Variants in RAB38 observed in about 807,000 individuals in gnomAD.
RAB38 encodes the protein ras-related protein Rab-38.
Under a neutral mutation model 18.4 loss-of-function variants are expected in RAB38, and 15 were observed. That is an observed-to-expected ratio of 0.82 (90% CI 0.55 to 1.26). RAB38 has a LOEUF of 1.26. RAB38 is among the 50% of genes most tolerant of loss of function. RAB38 has a pLI of 0.00. For synonymous variants in RAB38, 101 were observed against 104.4 expected (o/e 0.97, Z 0.20); for missense variants, 294 against 267.4 (o/e 1.10, Z -0.69).
At chr11:88,035,172 A>G in the RAB38 span, among the ~76,000 whole-genome samples, 1 of 152,160 alleles carries the variant, frequency 6.6e-6, no homozygotes, top group East Asian at 1.9e-4. Context: ...AAAAAGTGGT[A>G]TCTTCTCTAC....
the RAB38 span, among the ~76,000 whole-genome samples, chr11:88,054,653 G>A: frequency 6.6e-6 from 1 of 152,188 alleles, no homozygotes; most frequent in African/African-American, 2.4e-5. Context: ...ATCCAGTAAT[G>A]GAAAGATATA....
At chr11:87,841,131 G>C in the RAB38 span, among the ~76,000 whole-genome samples, 1 of 152,070 alleles carries the variant, frequency 6.6e-6, no homozygotes, top group Non-Finnish European at 1.5e-5. Flanking sequence ...ATAGTGCCTG[G>C]TACATATATT....
At chr11:87,863,247 T>C in the RAB38 span, among the ~76,000 whole-genome samples, 1 of 151,874 alleles carries the variant, frequency 6.6e-6, no homozygotes, top group Non-Finnish European at 1.5e-5. Flanking sequence ...CTGATTCTTA[T>C]TTCCTCATCT....
chr11:88,142,399 ATAAT>A (rs774273740), intron 2 of RAB38, among the ~76,000 whole-genome samples: 14 of 152,212 alleles, frequency 9.2e-5, no homozygotes, highest in Admixed American at 6.5e-5. Context: ...CTCTCTACAA[ATAAT>A]TAAAGTTGCA....
the RAB38 span, among the ~76,000 whole-genome samples, chr11:88,095,649 T>C: frequency 1.2e-4 from 18 of 152,080 alleles, no homozygotes; most frequent in East Asian, 3.5e-3. Flanking sequence ...AGCTGATGAA[T>C]TCCAAAGTTT....
At chr11:87,959,017 T>C in the RAB38 span, among the ~76,000 whole-genome samples, 31 of 152,236 alleles carry the variant, frequency 2.0e-4, no homozygotes, top group South Asian at 6.2e-3. Context: ...ACCTCCTCCT[T>C]CTGCGGAACT....
the RAB38 span, among the ~76,000 whole-genome samples, chr11:87,836,095 A>G: frequency 6.6e-5 from 10 of 152,208 alleles, no homozygotes; most frequent in African/African-American, 2.4e-4. Context: ...AATTTCCCCT[A>G]TGTAAGGAAT....
At chr11:87,890,867 G>T in the RAB38 span, among the ~76,000 whole-genome samples, 1 of 151,828 alleles carries the variant, frequency 6.6e-6, no homozygotes, top group Non-Finnish European at 1.5e-5. Context: ...TCCATTTCAG[G>T]AGGACTAGCC....
the RAB38 span, among the ~76,000 whole-genome samples, chr11:87,814,256 T>C: frequency 1.3e-5 from 2 of 152,206 alleles, no homozygotes; most frequent in Non-Finnish European, 2.9e-5. Context: ...TTGTCTATAA[T>C]GTGCTATGTC....
At chr11:87,812,944 C>A in the RAB38 span, among the ~76,000 whole-genome samples, 2 of 152,076 alleles carry the variant, frequency 1.3e-5, no homozygotes, top group Non-Finnish European at 2.9e-5. Flanking sequence ...AATTGAAAGG[C>A]AACATTCCAA....
chr11:87,941,277 A>G, the RAB38 span, among the ~76,000 whole-genome samples: 1 of 124,270 alleles, frequency 8.0e-6, no homozygotes, highest in South Asian at 2.7e-4. Flanking sequence ...TCAAATACAG[A>G]AATGGCCTGG....
At chr11:88,159,260 T>A (rs1029398397) in intron 1 of RAB38, among the ~76,000 whole-genome samples, 1 of 149,478 alleles carries the variant, frequency 6.7e-6, no homozygotes, top group African/African-American at 2.5e-5. Flanking sequence ...TACCTAGGAA[T>A]ACATCTAACC....
At chr11:88,068,402 T>G in the RAB38 span, among the ~76,000 whole-genome samples, 1 of 152,202 alleles carries the variant, frequency 6.6e-6, no homozygotes, top group Non-Finnish European at 1.5e-5. Flanking sequence ...AAATATGAAC[T>G]TATGCTATCT....
chr11:88,115,700 C>T (rs1441541986), intron 2 of RAB38: 1 of 152,210 alleles, frequency 6.6e-6, no homozygotes, highest in Non-Finnish European at 1.5e-5. Flanking sequence ...CTTCCTTTCT[C>T]TAAGCCTCCC....
chr11:88,100,087 T>G, the RAB38 span: 6 of 151,920 alleles, frequency 3.9e-5, no homozygotes. Context: ...TTCTCACTAG[T>G]GCACTTGACT....
the RAB38 span, among the ~76,000 whole-genome samples, chr11:88,031,041 G>A: frequency 6.7e-6 from 1 of 150,358 alleles, no homozygotes; most frequent in Admixed American, 6.6e-5. Flanking sequence ...TGATCAAGTG[G>A]GCTTCATCCC....
chr11:88,053,341 GAATATA>G, the RAB38 span, among the ~76,000 whole-genome samples: 1 of 86,758 alleles, frequency 1.2e-5, no homozygotes, highest in South Asian at 3.6e-4. Context: ...CATATATATG[GAATATA>G]TATATACACA....
At chr11:87,976,597 C>A in the RAB38 span, among the ~76,000 whole-genome samples, 658 of 44,632 alleles carry the variant, frequency 0.015, 5 homozygotes, top group African/African-American at 0.046. Flanking sequence ...TATATACTGT[C>A]TATAAATACA....
chr11:88,014,634 C>T, the RAB38 span, among the ~76,000 whole-genome samples: 10 of 152,100 alleles, frequency 6.6e-5, no homozygotes, highest in Non-Finnish European at 1.3e-4. Flanking sequence ...ATCACCCATA[C>T]CTACCCTGCT....
Sources: gnomAD v4.1 joint callset for allele counts (sites outside exome capture counted in the v4.1 genomes callset) on GRCh38, gnomAD v4.1.1 for gene constraint, MANE v1.5 for transcripts, NCBI Gene and HGNC (gene_info 2026-07-23, HGNC 2026-07-21) for gene names.